SLCO2A1: variants seen among roughly 807,000 people sequenced by gnomAD.
SLCO2A1 encodes the protein solute carrier organic anion transporter family member 2A1, also known as matrin F/G 1.
In SLCO2A1, 60 loss-of-function variants were observed where a neutral mutation model predicts 71.7. The observed-to-expected ratio is 0.84, with a 90% CI of 0.68 to 1.04. SLCO2A1 has a LOEUF of 1.04. SLCO2A1 is among the 50% of genes least tolerant of loss of function. The pLI is 0.00. For synonymous variants in SLCO2A1, 308 were observed against 326.7 expected (o/e 0.94, Z 0.62); for missense variants, 745 against 813.4 (o/e 0.92, Z 1.02).
intron 13 of SLCO2A1, among the ~76,000 whole-genome samples, chr3:133,935,496 G>A (rs911358574): frequency 1.3e-5 from 2 of 152,262 alleles, no homozygotes; most frequent in Admixed American, 1.3e-4. Flanking sequence ...TTCTGCTGCT[G>A]CCCCTTCCAA....
intron 8 of SLCO2A1, among the ~76,000 whole-genome samples, chr3:133,947,811 T>C (rs1210380976): frequency 6.6e-6 from 1 of 152,104 alleles, no homozygotes; most frequent in Non-Finnish European, 1.5e-5. Context: ...CAGTCAGAGA[T>C]GGAAGGCCAG....
chr3:134,016,299 T>C (rs529831463), intron 1 of SLCO2A1, among the ~76,000 whole-genome samples: 2 of 152,056 alleles, frequency 1.3e-5, no homozygotes, highest in African/African-American at 4.8e-5. Flanking sequence ...AAGAGACTTG[T>C]GCCTAACATA....
chr3:134,004,093 CGTGTGT>C lies in SLCO2A1; in HGVS notation c.97-24481_97-24476del, dbSNP rs71139603. On this transcript the variant is annotated intron_variant, in intron 1 of 13. Coordinates refer to ENST00000310926, the MANE Select transcript of SLCO2A1 (RefSeq NM_005630.3). ...AGCCAAATTTTGTAATGAATCTCTT[CGTGTGT>C]GTGTGTGTGTGTGTGTGTGTGTGTG... Among the ~76,000 whole-genome samples the C allele has an allele frequency of 6.8e-3, 1,023 of 149,616 alleles. 13 individuals carry two copies. The highest frequency in any genetic ancestry group is 0.018 in the African/African-American group (709 of 40,376).
chr3:134,018,911 C>T (rs1409097953), intron 1 of SLCO2A1, among the ~76,000 whole-genome samples: 1 of 152,174 alleles, frequency 6.6e-6, no homozygotes, highest in Non-Finnish European at 1.5e-5. Flanking sequence ...TGGTTTACTA[C>T]TGCAGGAGCA....
At chr3:133,983,835 G>A (rs548595162) in intron 1 of SLCO2A1, among the ~76,000 whole-genome samples, 88 of 152,340 alleles carry the variant, frequency 5.8e-4, no homozygotes, top group African/African-American at 2.1e-3. Context: ...GAGAGACGAG[G>A]GCTGGCTGGG....
In SLCO2A1 at chr3:133,955,114, G is replaced by A; in HGVS notation, c.477C>T (p.Thr159=). The A allele has an allele frequency of 6.2e-7, 1 of 1,614,184 alleles. No homozygotes were observed. Among genetic ancestry groups the A allele is most frequent in the Non-Finnish European group, 8.5e-7 (1 of 1,180,024 alleles). Residue 159 remains threonine, a synonymous_variant, in exon 4 of 14, where the codon ACC becomes ACT. Transcript: ENST00000310926. ...TGCTGGTCTCCTTCTGGGGGTTCTG[G>A]GTGGTGCTGTGGCACTTACTGGGAG... is the stretch of plus-strand genomic sequence containing the variant. ...DLPPSKCHST[T]QNPQKETSSM...
At chr3:133,936,510 T>C (rs971205809) in intron 12 of SLCO2A1, among the ~76,000 whole-genome samples, 1 of 152,086 alleles carries the variant, frequency 6.6e-6, no homozygotes, top group Non-Finnish European at 1.5e-5. Flanking sequence ...AGCAGCTGAG[T>C]GTTAAGATTT....
intron 3 of SLCO2A1, among the ~76,000 whole-genome samples, chr3:133,966,701 C>G (rs1446224182): frequency 6.6e-6 from 1 of 152,240 alleles, no homozygotes; most frequent in East Asian, 1.9e-4. Context: ...AAGAAACTCT[C>G]CTTGTTGTTT....
intron 1 of SLCO2A1, among the ~76,000 whole-genome samples, chr3:134,017,907 G>T (rs1025133155): frequency 6.6e-6 from 1 of 152,150 alleles, no homozygotes; most frequent in Admixed American, 6.5e-5. Context: ...GGATCTCTCA[G>T]AATGGAAAAA....
rs147161767 is a variant in SLCO2A1, at chr3:133,934,013, G to A, written c.*700C>T. On this transcript the variant is annotated 3_prime_UTR_variant, in exon 14 of 14. Coordinates refer to ENST00000310926, the MANE Select transcript of SLCO2A1 (RefSeq NM_005630.3). The stretch of plus-strand genomic sequence containing the variant: ...AGGACAGAAAGTCCAGGGTTCATAT[G>A]GACAGCACTTAGATGACCCATCCTT... 5.7e-4 allele frequency: 87 copies of A among 152,386 alleles called. No homozygotes were observed. The highest frequency in any genetic ancestry group is 2.0e-3 in the African/African-American group (84 of 41,566). 9.4% of individuals were successfully genotyped at this position (152,386 alleles called of 1,614,324 possible).
At position 133,951,329 on chromosome 3, in the gene SLCO2A1, ACC is replaced by A; in HGVS notation, c.738_739del (p.Leu246PhefsTer4). 1 of 1,614,098 alleles carries A rather than the reference ACC, an allele frequency of 6.2e-7. No homozygotes were observed. The highest frequency in any genetic ancestry group is 8.5e-7 in the Non-Finnish European group (1 of 1,180,002). Reference sequence around the variant, plus strand: ...TCCAATCCATCGGGGGTCACCCGGGACCAAGTTAACTGCAGCTGAAGAGAAAA... The same window carrying A: ...TCCAATCCATCGGGGGTCACCCGGGAAAGTTAACTGCAGCTGAAGAGAAAA... On this transcript the variant is annotated frameshift_variant, in exon 6 of 14. Coordinates refer to ENST00000310926, the MANE Select transcript of SLCO2A1 (RefSeq NM_005630.3). LOFTEE classifies it high-confidence loss of function.
chr3:133,952,391 G>C (rs1933766918), intron 5 of SLCO2A1, among the ~76,000 whole-genome samples: 1 of 152,248 alleles, frequency 6.6e-6, no homozygotes, highest in Non-Finnish European at 1.5e-5. Context: ...TTGCAGGGCA[G>C]TGGTGGGAGT....
At chr3:133,986,650 A>G (rs1167063708) in intron 1 of SLCO2A1, among the ~76,000 whole-genome samples, 1 of 152,228 alleles carries the variant, frequency 6.6e-6, no homozygotes, top group African/African-American at 2.4e-5. Flanking sequence ...TTTAATAAAG[A>G]GAGAACTTTT....
At chr3:133,992,592 T>G (rs1166689610) in intron 1 of SLCO2A1, among the ~76,000 whole-genome samples, 1 of 152,128 alleles carries the variant, frequency 6.6e-6, no homozygotes, top group Non-Finnish European at 1.5e-5. Flanking sequence ...TAACCACCCA[T>G]GGCCCGCCCT....
chr3:134,007,304 CAG>C (rs1188063608), intron 1 of SLCO2A1, among the ~76,000 whole-genome samples: 2 of 152,174 alleles, frequency 1.3e-5, no homozygotes, highest in Admixed American at 1.3e-4. Context: ...ACTTGATGCA[CAG>C]AAGTTTTAAA....
chr3:134,026,795 T>A (rs115964814), intron 1 of SLCO2A1, among the ~76,000 whole-genome samples: 7,511 of 152,264 alleles, frequency 0.049, 187 homozygotes, highest in Middle Eastern at 0.12. Flanking sequence ...ATTTAACCTT[T>A]CTAATTGCTG....
chr3:134,016,303 T>C (rs1287311433), intron 1 of SLCO2A1, among the ~76,000 whole-genome samples: 1 of 151,874 alleles, frequency 6.6e-6, no homozygotes, highest in Non-Finnish European at 1.5e-5. Flanking sequence ...GACTTGTGCC[T>C]AACATATATA....
chr3:133,970,758 T>C (rs1158861219), intron 3 of SLCO2A1, among the ~76,000 whole-genome samples: 4 of 152,140 alleles, frequency 2.6e-5, no homozygotes, highest in Non-Finnish European at 4.4e-5. Flanking sequence ...TTGTTGCATA[T>C]AGAATTTGCA....
intron 1 of SLCO2A1, among the ~76,000 whole-genome samples, chr3:134,018,397 C>T (rs1315028864): frequency 6.6e-6 from 1 of 152,206 alleles, no homozygotes; most frequent in Non-Finnish European, 1.5e-5. Context: ...CTCCCCATTG[C>T]TGGGGGTCAG....
Sources: gnomAD v4.1 joint callset for allele counts (sites outside exome capture counted in the v4.1 genomes callset) on GRCh38, gnomAD v4.1.1 for gene constraint, MANE v1.5 for transcripts, NCBI Gene and HGNC (gene_info 2026-07-23, HGNC 2026-07-21) for gene names.